The following ZCCHC7 variants were observed in gnomAD, a reference collection of about 807,000 sequenced individuals.
ZCCHC7 encodes the protein zinc finger CCHC-type containing 7, also known as zinc finger CCHC domain-containing protein 7.
Under a neutral mutation model 52.0 loss-of-function variants are expected in ZCCHC7, and 35 were observed. That is an observed-to-expected ratio of 0.67 (90% CI 0.51 to 0.89). The LOEUF (loss-of-function observed/expected upper bound fraction) is 0.89. Among genes scored for constraint, ZCCHC7 ranks in the 40% least tolerant of loss-of-function variants. ZCCHC7 has a pLI of 0.00. For synonymous variants in ZCCHC7, 217 were observed against 221.5 expected (o/e 0.98, Z 0.18); for missense variants, 574 against 649.1 (o/e 0.88, Z 1.26).
chr9:37,186,617 C>T (rs991106609), intron 2 of ZCCHC7: 2 of 424,656 alleles, frequency 4.7e-6, no homozygotes, highest in African/African-American at 2.0e-5. Context: ...TTTAAGAATG[C>T]ATTAGTATTG....
At chr9:37,256,699 A>G (rs1826604746) in intron 2 of ZCCHC7, among the ~76,000 whole-genome samples, 1 of 152,130 alleles carries the variant, frequency 6.6e-6, no homozygotes, top group Non-Finnish European at 1.5e-5. Flanking sequence ...CACATGACCC[A>G]TTCATTATGT....
chr9:37,287,605 A>C (rs886603375), intron 2 of ZCCHC7, among the ~76,000 whole-genome samples: 4 of 152,194 alleles, frequency 2.6e-5, no homozygotes, highest in African/African-American at 9.6e-5. Context: ...AATATCTGAA[A>C]AGGAAGTACA....
intron 5 of ZCCHC7, chr9:37,327,526 A>C (rs2118164255): frequency 2.6e-6 from 1 of 382,274 alleles, no homozygotes; most frequent in African/African-American, 2.0e-5. Context: ...ATGGCTCTTT[A>C]TCACATCTTA....
At chr9:37,213,985 TTCG>T (rs1342953761) in intron 2 of ZCCHC7, among the ~76,000 whole-genome samples, 1 of 151,968 alleles carries the variant, frequency 6.6e-6, no homozygotes, top group Non-Finnish European at 1.5e-5. Context: ...TGGTATGAGA[TTCG>T]CTCAATGGTG....
At chr9:37,304,130 A>G (rs2133706130) in intron 3 of ZCCHC7, 58 bp from the exon 4 acceptor site, 1 of 1,544,076 alleles carries the variant, frequency 6.5e-7, no homozygotes, top group South Asian at 1.2e-5. Context: ...AGAGTAGTAG[A>G]TGGCTTTTAT....
In ZCCHC7 at chr9:37,242,405, T is replaced by A. The variant is rs145732497; in HGVS notation, c.611-59783T>A. Among the ~76,000 whole-genome samples the A allele has an allele frequency of 9.2e-5, 14 of 151,936 alleles. No individual in the cohort carries two copies. The East Asian group carries it at 2.5e-3, about 27-fold the overall frequency. On this transcript the variant is annotated intron_variant, in intron 2 of 8. Transcript: ENST00000336755. ...GATCCATGGAGTTTTGGTTATATAA[T>A]TTATATGCTATATGTATGAGGGCAC...
chr9:37,211,179 A>G (rs1350933792), intron 2 of ZCCHC7, among the ~76,000 whole-genome samples: 4 of 152,230 alleles, frequency 2.6e-5, no homozygotes, highest in African/African-American at 9.6e-5. Flanking sequence ...GGATTAATAT[A>G]TGTTTTGTTA....
intron 2 of ZCCHC7, among the ~76,000 whole-genome samples, chr9:37,196,963 A>G (rs1232292475): frequency 6.6e-6 from 1 of 152,196 alleles, no homozygotes; most frequent in East Asian, 1.9e-4. Context: ...GTCATTATTA[A>G]AATTATTATT....
chr9:37,345,542 A>C (rs112670058), intron 6 of ZCCHC7, among the ~76,000 whole-genome samples: 1 of 152,224 alleles, frequency 6.6e-6, no homozygotes, highest in Non-Finnish European at 1.5e-5. Context: ...CAACATGGCA[A>C]AACCTCATCT....
At chr9:37,287,214 A>G (rs1318460202) in intron 2 of ZCCHC7, among the ~76,000 whole-genome samples, 2 of 149,694 alleles carry the variant, frequency 1.3e-5, no homozygotes, top group Non-Finnish European at 3.0e-5. Flanking sequence ...TTTCTCTAGA[A>G]AAGTCTGTTA....
intron 2 of ZCCHC7, among the ~76,000 whole-genome samples, chr9:37,180,443 GT>G (rs1442937762): frequency 1.3e-5 from 2 of 151,988 alleles, no homozygotes; most frequent in African/African-American, 2.4e-5. Flanking sequence ...CAATTTGGTG[GT>G]TTTAAAAGTA....
At chr9:37,348,457 G>T (rs1281185654) in intron 6 of ZCCHC7, among the ~76,000 whole-genome samples, 1 of 151,310 alleles carries the variant, frequency 6.6e-6, no homozygotes, top group African/African-American at 2.4e-5. Context: ...TTGGCTCACT[G>T]CAACCTCCGA....
At chr9:37,310,644 G>T (rs1829544517) in intron 5 of ZCCHC7, among the ~76,000 whole-genome samples, 1 of 152,036 alleles carries the variant, frequency 6.6e-6, no homozygotes. Flanking sequence ...TTACATATTG[G>T]CAATCAAGGA....
At chr9:37,274,892 A>G (rs1158749471) in intron 2 of ZCCHC7, among the ~76,000 whole-genome samples, 5 of 152,048 alleles carry the variant, frequency 3.3e-5, no homozygotes, top group Non-Finnish European at 5.9e-5. Context: ...TCCCAGCACC[A>G]TTTATTGAAT....
At chr9:37,177,170 T>A (rs1222230741) in intron 2 of ZCCHC7, among the ~76,000 whole-genome samples, 1 of 152,054 alleles carries the variant, frequency 6.6e-6, no homozygotes, top group African/African-American at 2.4e-5. Context: ...TGAAACCCCG[T>A]CTCTACTGAA....
intron 2 of ZCCHC7, among the ~76,000 whole-genome samples, chr9:37,229,601 A>T (rs1226513648): frequency 6.6e-6 from 1 of 152,248 alleles, no homozygotes; most frequent in Non-Finnish European, 1.5e-5. Context: ...TAAAAGTGGT[A>T]TACTTGTATA....
chr9:37,205,272 G>C (rs769634384), intron 2 of ZCCHC7: 7 of 276,878 alleles, frequency 2.5e-5, no homozygotes, highest in Non-Finnish European at 5.0e-5. Flanking sequence ...TTTTTGAACA[G>C]TACCTATTCC....
intron 2 of ZCCHC7, among the ~76,000 whole-genome samples, chr9:37,189,170 G>A (rs1334250764): frequency 6.6e-6 from 1 of 151,110 alleles, no homozygotes; most frequent in African/African-American, 2.4e-5. Context: ...ATCCAAGAGT[G>A]TTTGCCCTTG....
intron 5 of ZCCHC7, among the ~76,000 whole-genome samples, chr9:37,308,725 A>C (rs1829451638): frequency 6.6e-6 from 1 of 152,130 alleles, no homozygotes; most frequent in African/African-American, 2.4e-5. Flanking sequence ...TCACACTTGT[A>C]ATCCTAGCAC....
Sources: allele counts gnomAD v4.1 joint callset (sites outside exome capture counted in the v4.1 genomes callset), GRCh38; gene constraint gnomAD v4.1.1; transcripts MANE v1.5; gene names NCBI Gene and HGNC (gene_info 2026-07-23, HGNC 2026-07-21).